Variants in GALNTL6 observed in about 807,000 individuals in gnomAD.
The protein encoded by GALNTL6 is polypeptide N-acetylgalactosaminyltransferase like 6, also known as polypeptide N-acetylgalactosaminyltransferase-like 6.
GALNTL6 carries 46 observed loss-of-function variants against 73.7 expected under a neutral mutation model. The ratio of observed to expected loss-of-function variants is 0.62; its 90% CI spans 0.49 to 0.80. The LOEUF (loss-of-function observed/expected upper bound fraction) is 0.80. Among genes scored for constraint, GALNTL6 ranks in the 30% least tolerant of loss-of-function variants. GALNTL6 has a pLI of 0.00. For missense variants in GALNTL6, 604 were observed against 755.0 expected (o/e 0.80, Z 2.34); for synonymous variants, 259 against 263.7 (o/e 0.98, Z 0.17).
At chr4:172,580,410 A>G (rs1737137245) in intron 5 of GALNTL6, among the ~76,000 whole-genome samples, 1 of 152,378 alleles carries the variant, frequency 6.6e-6, no homozygotes, top group African/African-American at 2.4e-5. Flanking sequence ...AACAAATTGA[A>G]AATTAAAAAC....
intron 3 of GALNTL6, among the ~76,000 whole-genome samples, chr4:172,286,383 A>G (rs760608125): frequency 1.3e-5 from 2 of 152,192 alleles, no homozygotes; most frequent in Non-Finnish European, 2.9e-5. Flanking sequence ...ATCTAAACTG[A>G]GAACTGAAGA....
intron 7 of GALNTL6, among the ~76,000 whole-genome samples, chr4:172,828,271 CA>C (rs35836916): frequency 0.52 from 63,965 of 122,106 alleles, 18,721 homozygotes; most frequent in Non-Finnish European, 0.68. Context: ...GACTCCATCT[CA>C]AAAAAAAAAA....
intron 5 of GALNTL6, among the ~76,000 whole-genome samples, chr4:172,804,235 C>A (rs1167539782): frequency 2.6e-5 from 4 of 152,186 alleles, no homozygotes; most frequent in African/African-American, 9.7e-5. Context: ...AAGAGTTGCA[C>A]TTAATAGTAC....
At chr4:172,645,284 G>A (rs1740186348) in intron 5 of GALNTL6, among the ~76,000 whole-genome samples, 1 of 151,914 alleles carries the variant, frequency 6.6e-6, no homozygotes, top group African/African-American at 2.4e-5. Context: ...AAAAGATCAT[G>A]AAGATATTGT....
At chr4:172,702,830 T>C (rs1734103456) in intron 5 of GALNTL6, among the ~76,000 whole-genome samples, 2 of 151,966 alleles carry the variant, frequency 1.3e-5, no homozygotes, top group South Asian at 4.2e-4. Context: ...TTATAGTTTT[T>C]TTTGTCATTA....
intron 5 of GALNTL6, among the ~76,000 whole-genome samples, chr4:172,600,391 G>A (rs992254959): frequency 6.6e-6 from 1 of 152,152 alleles, no homozygotes; most frequent in African/African-American, 2.4e-5. Flanking sequence ...AAACCACAGT[G>A]CAGGAACAGC....
intron 2 of GALNTL6, among the ~76,000 whole-genome samples, chr4:172,203,999 A>C (rs1007542770): frequency 1.3e-5 from 2 of 151,832 alleles, no homozygotes; most frequent in African/African-American, 4.8e-5. Flanking sequence ...GCCCACCTCA[A>C]CCTCCCAAAG....
intron 9 of GALNTL6, among the ~76,000 whole-genome samples, chr4:172,946,884 A>C (rs1453551079): frequency 1.3e-5 from 2 of 152,204 alleles, no homozygotes; most frequent in Non-Finnish European, 2.9e-5. Flanking sequence ...AAAGCAGCCA[A>C]CATGGTTTGC....
chr4:172,437,246 A>G (rs535797458), intron 5 of GALNTL6, among the ~76,000 whole-genome samples: 1 of 152,274 alleles, frequency 6.6e-6, no homozygotes, highest in Non-Finnish European at 1.5e-5. Flanking sequence ...AGTTTGCTCA[A>G]GGTTGTTAAA....
chr4:172,301,885 C>G (rs577724402), intron 3 of GALNTL6, among the ~76,000 whole-genome samples: 46 of 152,326 alleles, frequency 3.0e-4, no homozygotes, highest in African/African-American at 1.0e-3. Context: ...AACCACTACT[C>G]TCTTCAAAGC....
intron 2 of GALNTL6, among the ~76,000 whole-genome samples, chr4:171,860,594 CAT>C (rs1735806778): frequency 6.6e-6 from 1 of 152,152 alleles, no homozygotes; most frequent in Non-Finnish European, 1.5e-5. Flanking sequence ...TGCTTCTTCA[CAT>C]GTTTAACATT....
chr4:173,009,328 A>G (rs4696042), intron 11 of GALNTL6, 34 bp downstream of exon 11: 1,291,966 of 1,295,688 alleles, frequency 1, 644,204 homozygotes, highest in East Asian at 1. Context: ...GGCAGTGGGA[A>G]CCAGTCGGGG....
chr4:172,265,648 C>A (rs1738424785), intron 3 of GALNTL6, among the ~76,000 whole-genome samples: 1 of 152,008 alleles, frequency 6.6e-6, no homozygotes, highest in African/African-American at 2.4e-5. Context: ...TGTAGAAGCT[C>A]TTCCAAAGAA....
intron 10 of GALNTL6, among the ~76,000 whole-genome samples, chr4:172,980,866 C>A (rs573391013): frequency 6.6e-6 from 1 of 152,308 alleles, no homozygotes; most frequent in South Asian, 2.1e-4. Flanking sequence ...TCACTCTCCC[C>A]CAGTTCCTAG....
intron 8 of GALNTL6, among the ~76,000 whole-genome samples, chr4:172,887,992 A>C (rs1371934763): frequency 2.0e-5 from 3 of 152,088 alleles, no homozygotes; most frequent in African/African-American, 7.2e-5. Context: ...GGCCACTTGT[A>C]TGTCTTCTTT....
At chr4:172,087,300 C>T (rs137960764) in intron 2 of GALNTL6, among the ~76,000 whole-genome samples, 1 of 151,772 alleles carries the variant, frequency 6.6e-6, no homozygotes, top group Non-Finnish European at 1.5e-5. Flanking sequence ...AAAAAATTAG[C>T]CGGGCGTGGG....
At chr4:172,699,591 A>G (rs1189251667) in intron 5 of GALNTL6, among the ~76,000 whole-genome samples, 2 of 152,316 alleles carry the variant, frequency 1.3e-5, no homozygotes, top group Non-Finnish European at 2.9e-5. Context: ...GAGCTCATGT[A>G]AGAAACTTAT....
At chr4:173,014,329 C>G (rs115924471) in intron 11 of GALNTL6, among the ~76,000 whole-genome samples, 2,116 of 152,252 alleles carry the variant, frequency 0.014, 21 homozygotes, top group Non-Finnish European at 0.02. Context: ...AAGAACATTC[C>G]CCAGCTCCCA....
At chr4:172,637,751 G>A (rs1054480941) in intron 5 of GALNTL6, among the ~76,000 whole-genome samples, 1 of 152,056 alleles carries the variant, frequency 6.6e-6, no homozygotes, top group South Asian at 2.1e-4. Flanking sequence ...AAGTTCTTAA[G>A]TTCTACATCT....
Sources: allele counts gnomAD v4.1 joint callset (sites outside exome capture counted in the v4.1 genomes callset), GRCh38; gene constraint gnomAD v4.1.1; transcripts MANE v1.5; gene names NCBI Gene and HGNC (gene_info 2026-07-23, HGNC 2026-07-21).